The following SORD variants were observed in gnomAD, a reference collection of about 807,000 sequenced individuals.
SORD encodes sorbitol dehydrogenase.
In SORD, 18 loss-of-function variants were observed where a neutral mutation model predicts 35.6. The observed-to-expected ratio is 0.51, with a 90% CI of 0.35 to 0.75. The LOEUF (loss-of-function observed/expected upper bound fraction) is 0.75. SORD is among the 30% of genes least tolerant of loss of function. The probability of loss-of-function intolerance (pLI) is 0.01; values close to 1 mark genes in which losing one functional copy is unlikely to be tolerated. For synonymous variants in SORD, 106 were observed against 152.9 expected, an observed-to-expected ratio of 0.69 and a Z score of 2.26; for missense variants, 250 against 390.2, an observed-to-expected ratio of 0.64 and a Z score of 3.03.
intron 4 of SORD, among the ~76,000 whole-genome samples, chr15:45,065,016 T>C (rs139882497): frequency 0.013 from 1,917 of 152,276 alleles, 39 homozygotes; most frequent in African/African-American, 0.043. Flanking sequence ...CTTTGGATGG[T>C]TGGGGCAAGT....
intron 3 of SORD, among the ~76,000 whole-genome samples, chr15:45,049,554 A>G (rs1893095764): frequency 6.6e-6 from 1 of 152,218 alleles, no homozygotes; most frequent in South Asian, 2.1e-4. Flanking sequence ...GATAACTGGC[A>G]GCTATAGTTA....
intron 3 of SORD, among the ~76,000 whole-genome samples, chr15:45,048,630 C>T (rs1358203345): frequency 2.0e-5 from 3 of 152,162 alleles, no homozygotes; most frequent in Non-Finnish European, 4.4e-5. Context: ...ACTTGTAAAG[C>T]AGTCTAGGGT....
At position 45,048,778 on chromosome 15, in the gene SORD, C is replaced by T. The variant is rs72489222; in HGVS notation, c.265+5357C>T. Reference sequence around the variant, plus strand: ...GAAAGAAGAAAGCTCTCAGCAGCAGCGGGGGTGGAGGGAGGGGGCAGCAAA... The same window carrying T: ...GAAAGAAGAAAGCTCTCAGCAGCAGTGGGGGTGGAGGGAGGGGGCAGCAAA... On this transcript the variant is annotated intron_variant, in intron 3 of 8. Coordinates refer to ENST00000267814, the MANE Select transcript of SORD (RefSeq NM_003104.6). Among the ~76,000 whole-genome samples, 84 of 152,066 alleles carry T rather than the reference C, an allele frequency of 5.5e-4. 1 individual carries two copies. The East Asian group carries it at 0.012, about 22-fold the overall frequency.
intron 1 of SORD, among the ~76,000 whole-genome samples, chr15:45,032,554 A>G (rs886119497): frequency 1.3e-5 from 2 of 152,254 alleles, no homozygotes; most frequent in African/African-American, 4.8e-5. Flanking sequence ...GCAATGGGAA[A>G]TGGGTGTAGT....
chr15:45,028,641 A>G (rs1434477078), intron 1 of SORD, among the ~76,000 whole-genome samples: 1 of 152,384 alleles, frequency 6.6e-6, no homozygotes, highest in East Asian at 1.9e-4. Context: ...TTGTTTAATT[A>G]TAAAGGGCAG....
At chr15:45,031,128 C>T (rs113604691) in intron 1 of SORD, among the ~76,000 whole-genome samples, 31,050 of 150,398 alleles carry the variant, frequency 0.21, 6 homozygotes, top group African/African-American at 0.44. Context: ...GAGTTTGAGA[C>T]CAGCCTGGGA....
chr15:45,060,745 G>GA (rs1893289459), intron 3 of SORD, among the ~76,000 whole-genome samples: 3 of 151,656 alleles, frequency 2.0e-5, no homozygotes, highest in African/African-American at 4.8e-5. Context: ...GGAGATAGAG[G>GA]GTGGCTTGGC....
chr15:45,052,194 C>G (rs1407082428), intron 3 of SORD, among the ~76,000 whole-genome samples: 1 of 152,150 alleles, frequency 6.6e-6, no homozygotes, highest in African/African-American at 2.4e-5. Context: ...TAGATCCTTC[C>G]AGCAGCAAAG....
At chr15:45,057,565 A>G (rs1359544703) in intron 3 of SORD, among the ~76,000 whole-genome samples, 1 of 152,216 alleles carries the variant, frequency 6.6e-6, no homozygotes, top group African/African-American at 2.4e-5. Flanking sequence ...TGGGCAGATC[A>G]TGAGGTCAGG....
At chr15:45,025,091 C>G (rs1176406711) in intron 1 of SORD, among the ~76,000 whole-genome samples, 2 of 152,320 alleles carry the variant, frequency 1.3e-5, no homozygotes, top group South Asian at 2.1e-4. Flanking sequence ...ATCTCATCAG[C>G]TTTGCATTAG....
chr15:45,049,504 T>A lies in SORD; in HGVS notation c.265+6083T>A, dbSNP rs557887302. ...CATATATCAAAACAAGACAAGGGGG[T>A]AAGAAAAGCTCAAAAATCCCAAAGC... On this transcript the variant is annotated intron_variant, in intron 3 of 8. Transcript: ENST00000267814. Among the ~76,000 whole-genome samples, 3 of 152,116 alleles carry A rather than the reference T, an allele frequency of 2.0e-5. No individual in the cohort carries two copies. In the South Asian group the frequency reaches 6.2e-4, roughly 32 times the overall value.
intron 3 of SORD, among the ~76,000 whole-genome samples, chr15:45,056,797 A>C (rs1410467701): frequency 6.6e-6 from 1 of 152,216 alleles, no homozygotes; most frequent in African/African-American, 2.4e-5. Flanking sequence ...TTCCATATTT[A>C]AGCAAAGAAA....
chr15:45,069,178 T>C, intron 7 of SORD, 126 bp downstream of exon 7: 1 of 337,220 alleles, frequency 3.0e-6, no homozygotes, highest in Non-Finnish European at 5.4e-6. Context: ...TCTTTTGCCA[T>C]CTATGTTTTC....
At chr15:45,058,340 C>T (rs1186759967) in intron 3 of SORD, among the ~76,000 whole-genome samples, 1 of 152,186 alleles carries the variant, frequency 6.6e-6, no homozygotes, top group Non-Finnish European at 1.5e-5. Flanking sequence ...ACACAGCTGA[C>T]ATTCCCAGCA....
intron 3 of SORD, among the ~76,000 whole-genome samples, chr15:45,044,158 A>G (rs1893010417): frequency 6.6e-6 from 1 of 152,244 alleles, no homozygotes; most frequent in African/African-American, 2.4e-5. Context: ...ATGTTAAGTC[A>G]TTCATCATTA....
At chr15:45,026,296 G>A (rs370006230) in intron 1 of SORD, among the ~76,000 whole-genome samples, 3 of 152,178 alleles carry the variant, frequency 2.0e-5, no homozygotes, top group African/African-American at 7.2e-5. Flanking sequence ...GAAGCTTTGA[G>A]GGGAACCACC....
intron 6 of SORD, among the ~76,000 whole-genome samples, 182 bp from the exon 7 acceptor site, chr15:45,068,695 T>C (rs932885627): frequency 1.8e-4 from 28 of 151,598 alleles, no homozygotes; most frequent in African/African-American, 6.6e-4. Context: ...CTGGGCTGCA[T>C]GTGGGCTGCA....
At chr15:45,038,160 C>T (rs1456022794) in intron 1 of SORD, among the ~76,000 whole-genome samples, 2 of 149,400 alleles carry the variant, frequency 1.3e-5, no homozygotes, top group South Asian at 4.3e-4. Context: ...TCCTTCCTTC[C>T]TTCCTTCCTT....
intron 3 of SORD, among the ~76,000 whole-genome samples, chr15:45,057,554 G>T (rs577455441): frequency 6.6e-6 from 1 of 152,266 alleles, no homozygotes; most frequent in African/African-American, 2.4e-5. Flanking sequence ...GGAGGCTGAG[G>T]TGGGCAGATC....
Sources: gnomAD v4.1 joint callset for allele counts (sites outside exome capture counted in the v4.1 genomes callset) on GRCh38, gnomAD v4.1.1 for gene constraint, MANE v1.5 for transcripts, NCBI Gene and HGNC (gene_info 2026-07-23, HGNC 2026-07-21) for gene names.